The following RBFOX1 variants were observed in gnomAD, a reference collection of about 807,000 sequenced individuals.
RBFOX1 encodes the protein RNA binding protein fox-1 homolog 1.
A neutral mutation model predicts 57.7 loss-of-function variants in RBFOX1; 8 were observed. The ratio of observed to expected loss-of-function variants is 0.14; its 90% CI spans 0.08 to 0.25. The LOEUF is 0.25. RBFOX1 is among the 10% of genes least tolerant of loss of function. The pLI is 1.00. For missense variants in RBFOX1, 611 were observed against 548.5 expected (o/e 1.11, Z -1.14); for synonymous variants, 326 against 222.4 (o/e 1.47, Z -4.15).
chr16:6,137,606 ATTTTTTTTT>A (rs57190040), intron 1 of RBFOX1, among the ~76,000 whole-genome samples: 14 of 98,364 alleles, frequency 1.4e-4, no homozygotes, highest in South Asian at 3.6e-4. Flanking sequence ...GCGCCTGGTC[ATTTTTTTTT>A]TTTTTTTTTT....
At chr16:6,796,169 A>G (rs1279079329) in intron 3 of RBFOX1, among the ~76,000 whole-genome samples, 2 of 152,042 alleles carry the variant, frequency 1.3e-5, no homozygotes, top group Non-Finnish European at 2.9e-5. Flanking sequence ...AAGAGAAGAG[A>G]GCTTGTGCAG....
intron 4 of RBFOX1, among the ~76,000 whole-genome samples, chr16:7,506,912 AG>A (rs1452052857): frequency 6.6e-6 from 1 of 152,204 alleles, no homozygotes; most frequent in Non-Finnish European, 1.5e-5. Context: ...CTGGACTGGA[AG>A]GAGGATCAGT....
chr16:7,095,722 C>T (rs28475466), intron 4 of RBFOX1, among the ~76,000 whole-genome samples: 1 of 152,100 alleles, frequency 6.6e-6, no homozygotes, highest in South Asian at 2.1e-4. Flanking sequence ...TAATTCATTT[C>T]CTTGTTAAGA....
At chr16:6,387,855 A>C (rs2092380475) in intron 2 of RBFOX1, among the ~76,000 whole-genome samples, 1 of 152,076 alleles carries the variant, frequency 6.6e-6, no homozygotes, top group African/African-American at 2.4e-5. Flanking sequence ...CTCAGTCTAC[A>C]GGGAACAAGT....
chr16:7,181,132 A>T (rs891817792), intron 4 of RBFOX1, among the ~76,000 whole-genome samples: 2 of 152,300 alleles, frequency 1.3e-5, no homozygotes, highest in Middle Eastern at 3.4e-3. Flanking sequence ...TAGGCTTTCA[A>T]TCCTTCCTTG....
intron 2 of RBFOX1, among the ~76,000 whole-genome samples, chr16:6,408,543 C>G (rs2093360068): frequency 6.6e-6 from 1 of 152,112 alleles, no homozygotes; most frequent in South Asian, 2.1e-4. Flanking sequence ...TTTGACTTTT[C>G]AGAGCGTTAT....
chr16:7,183,308 CAG>C (rs2083093345), intron 4 of RBFOX1, among the ~76,000 whole-genome samples: 1 of 152,074 alleles, frequency 6.6e-6, no homozygotes, highest in African/African-American at 2.4e-5. Flanking sequence ...TGTCAATTTA[CAG>C]AGGGTAGTGA....
At chr16:5,246,112 C>T (rs1292098022) in intron 1 of RBFOX1, among the ~76,000 whole-genome samples, 1 of 152,086 alleles carries the variant, frequency 6.6e-6, no homozygotes, top group Non-Finnish European at 1.5e-5. Flanking sequence ...TGTGATGGCA[C>T]ACACCTGTAA....
At chr16:6,759,496 T>G in intron 3 of RBFOX1, among the ~76,000 whole-genome samples, 1 of 149,802 alleles carries the variant, frequency 6.7e-6, no homozygotes. Context: ...TGTGTGTGTG[T>G]GTGTGTGTGT....
chr16:6,038,200 T>C (rs1028291432), intron 1 of RBFOX1: 20 of 148,572 alleles, frequency 1.3e-4, no homozygotes, highest in African/African-American at 3.9e-4. Flanking sequence ...TTTTTTGAGA[T>C]GGCATCTAAC....
At chr16:5,467,108 A>T in intron 1 of RBFOX1, 1 of 1,260,666 alleles carries the variant, frequency 7.9e-7, no homozygotes, top group Non-Finnish European at 1.1e-6. Context: ...TGAATAAAAC[A>T]TTCTTTTTTA....
chr16:5,416,426 C>T lies in RBFOX1; in HGVS notation c.220-50790C>T, dbSNP rs142199729. 4.5e-3 allele frequency among the ~76,000 whole-genome samples: 682 copies of T among 152,240 alleles called. 7 individuals carry two copies. The highest frequency in any genetic ancestry group is 0.014 in the African/African-American group (575 of 41,534). ...GATCTAGTGGATCTAAGAAGAATCA[C>T]TGATTTTTAGTTCAACTTTTTCCCG... On this transcript the variant is annotated intron_variant, in intron 1 of 2. Transcript: ENST00000585867.
At chr16:6,288,544 C>T (rs7201015) in intron 1 of RBFOX1, among the ~76,000 whole-genome samples, 32,717 of 152,094 alleles carry the variant, frequency 0.22, 4,601 homozygotes, top group African/African-American at 0.4. Context: ...ATGCTAGATA[C>T]TGCGTCATTT....
At chr16:7,318,608 G>A (rs180863470) in intron 4 of RBFOX1, among the ~76,000 whole-genome samples, 172 of 152,230 alleles carry the variant, frequency 1.1e-3, no homozygotes, top group African/African-American at 3.8e-3. Flanking sequence ...TCAGAATAGC[G>A]TTCCTATAAA....
chr16:7,340,975 G>A (rs984859149), intron 4 of RBFOX1, among the ~76,000 whole-genome samples: 3 of 152,256 alleles, frequency 2.0e-5, no homozygotes, highest in South Asian at 2.1e-4. Context: ...GAAGACCTAC[G>A]GATTTCACAC....
intron 2 of RBFOX1, among the ~76,000 whole-genome samples, chr16:6,340,750 C>T (rs1984484): frequency 0.42 from 64,408 of 151,946 alleles, 14,464 homozygotes; most frequent in African/African-American, 0.55. Flanking sequence ...CCTCCTGTCT[C>T]ATCCTGTGGC....
At chr16:6,968,167 C>T (rs1335855032) in intron 3 of RBFOX1, among the ~76,000 whole-genome samples, 3 of 152,148 alleles carry the variant, frequency 2.0e-5, no homozygotes, top group African/African-American at 7.2e-5. Context: ...TGGGAACCCC[C>T]TCTCCGTGGG....
At chr16:6,376,514 G>A (rs975161288) in intron 2 of RBFOX1, among the ~76,000 whole-genome samples, 11 of 152,218 alleles carry the variant, frequency 7.2e-5, no homozygotes, top group East Asian at 3.9e-4. Flanking sequence ...GGCATTCTGC[G>A]GCTTGCAGCT....
chr16:5,683,595 T>C (rs1172522717), intron 3 of RBFOX1, among the ~76,000 whole-genome samples: 1 of 152,094 alleles, frequency 6.6e-6, no homozygotes, highest in Non-Finnish European at 1.5e-5. Context: ...TCTCCCATGC[T>C]GGATGCCTCC....
Sources: allele counts gnomAD v4.1 joint callset (sites outside exome capture counted in the v4.1 genomes callset), GRCh38; gene constraint gnomAD v4.1.1; transcripts MANE v1.5; gene names NCBI Gene and HGNC (gene_info 2026-07-23, HGNC 2026-07-21).